Variants in IL33 observed in about 807,000 individuals in gnomAD.
IL33 encodes the protein interleukin 33, also known as interleukin-33.
Under a neutral mutation model 27.3 loss-of-function variants are expected in IL33, and 37 were observed. That is an observed-to-expected ratio of 1.36 (90% CI 1.04 to 1.78). IL33 has a LOEUF of 1.78. Among genes scored for constraint, IL33 ranks in the 40% most tolerant of loss-of-function variants. The pLI, the probability that IL33 is intolerant of heterozygous loss-of-function variation, is 0.00. For synonymous variants in IL33, 132 were observed against 102.9 expected (o/e 1.28, Z -1.71); for missense variants, 406 against 311.4 (o/e 1.30, Z -2.29).
intron 2 of IL33, among the ~76,000 whole-genome samples, chr9:6,242,942 G>T (rs542164869): frequency 1.3e-5 from 2 of 152,190 alleles, no homozygotes; most frequent in African/African-American, 2.4e-5. Context: ...GGTCACATAG[G>T]GGGAGAACAG....
rs1288168633 is a variant in IL33, at chr9:6,215,825, A to G, written c.-39A>G. 6.6e-6 allele frequency: 1 copy of G among 152,216 alleles called. No individual in the cohort carries two copies. The highest frequency in any genetic ancestry group is 1.5e-5 in the Non-Finnish European group (1 of 68,038). The allele number at this position is 152,216 out of a possible 1,614,324, so 9.4% of individuals were successfully genotyped here. A position where few individuals can be genotyped will look rare whatever the true frequency, so the allele number is the denominator to read the frequency against. ...TCCGAACACAGAGCTGCAGCTCTTCAGGGAAGAAATCAAAACAAGATCACA... is the reference window on the plus strand; with the variant it reads ...TCCGAACACAGAGCTGCAGCTCTTCGGGGAAGAAATCAAAACAAGATCACA... On this transcript the variant is annotated 5_prime_UTR_variant, in exon 1 of 8. Coordinates refer to ENST00000682010, the MANE Select transcript of IL33 (RefSeq NM_033439.4).
chr9:6,252,076 AACAAAACAAAACAAAAAAACC>A (rs1816418745), intron 4 of IL33, among the ~76,000 whole-genome samples: 9 of 133,796 alleles, frequency 6.7e-5, no homozygotes, highest in East Asian at 4.4e-4. Flanking sequence ...CCCAACAAAA[AACAAAACAAAACAAAAAAACC>A]AACTTTACCT....
chr9:6,253,998 G>A (rs771006387), intron 6 of IL33, among the ~76,000 whole-genome samples: 2 of 152,164 alleles, frequency 1.3e-5, no homozygotes, highest in Admixed American at 6.6e-5. Context: ...CAGAAAAACA[G>A]ATGTATGCAT....
chr9:6,230,597 C>A (rs1818880518), intron 1 of IL33, among the ~76,000 whole-genome samples: 1 of 152,202 alleles, frequency 6.6e-6, no homozygotes, highest in South Asian at 2.1e-4. Flanking sequence ...TTTGCAAAAT[C>A]TCCCAGAATG....
At chr9:6,238,153 C>A (rs766270048) in intron 1 of IL33, among the ~76,000 whole-genome samples, 13 of 152,130 alleles carry the variant, frequency 8.5e-5, no homozygotes, top group Non-Finnish European at 1.9e-4. Context: ...TAGGGAAGTA[C>A]TGGCATCAAG....
chr9:6,220,183 T>C (rs2130085014), intron 1 of IL33, among the ~76,000 whole-genome samples: 1 of 152,332 alleles, frequency 6.6e-6, no homozygotes, highest in South Asian at 2.1e-4. Context: ...ACTAAGAAGT[T>C]CACCCACAAA....
chr9:6,252,065 ACCCAAC>A (rs60292254), intron 4 of IL33, among the ~76,000 whole-genome samples: 17,369 of 121,324 alleles, frequency 0.14, 3,235 homozygotes, highest in African/African-American at 0.21. Flanking sequence ...ACAAAAAAAA[ACCCAAC>A]AAAAAACAAA....
Position 6,250,536 on chromosome 9 carries a change from A to C in IL33, c.154A>C (p.Met52Leu). 6.2e-7 allele frequency: 1 copy of C among 1,614,030 alleles called. No individual in the cohort carries two copies. Among genetic ancestry groups the C allele is most frequent in the Non-Finnish European group, 8.5e-7 (1 of 1,179,924 alleles). ...CTTTATGAAGCTCCGCTCTGGCCTTATGATAAAAAAGGAGGCCTGTTACTT... is the reference window on the plus strand; with the variant it reads ...CTTTATGAAGCTCCGCTCTGGCCTTCTGATAAAAAAGGAGGCCTGTTACTT... ...MYFMKLRSGL[M>L]IKKEACYFRR... The change falls in exon 3 of 8, where the codon ATG (methionine) becomes CTG (leucine). Residue 52 changes from methionine to leucine, a missense_variant. Coordinates refer to ENST00000682010, the MANE Select transcript of IL33 (RefSeq NM_033439.4).
chr9:6,225,063 G>A (rs1818569974), intron 1 of IL33, among the ~76,000 whole-genome samples: 1 of 152,124 alleles, frequency 6.6e-6, no homozygotes, highest in South Asian at 2.1e-4. Context: ...TGCTGTGCCA[G>A]AACTGATTTC....
At chr9:6,239,231 G>A (rs529112395) in intron 1 of IL33, among the ~76,000 whole-genome samples, 1 of 152,304 alleles carries the variant, frequency 6.6e-6, no homozygotes, top group Non-Finnish European at 1.5e-5. Flanking sequence ...TGGCCTCAGT[G>A]AACACATTCC....
At chr9:6,215,727 C>A (rs1431798023), upstream of IL33, 2 of 152,138 alleles carry the variant, frequency 1.3e-5, no homozygotes, top group Non-Finnish European at 2.9e-5. Context: ...AAATCTCACC[C>A]GCCCAGATCT....
Position 6,257,170 on chromosome 9 carries a change from C to T in IL33, c.*1002C>T, listed in dbSNP as rs543422833. On this transcript the variant is annotated 3_prime_UTR_variant, in exon 8 of 8. Transcript: ENST00000682010. Reference sequence around the variant, plus strand: ...TCCATGGCCTACCATCCCTTCTGACCCTGGCTTCCAGGGACCTATGTCTTT... The same window carrying T: ...TCCATGGCCTACCATCCCTTCTGACTCTGGCTTCCAGGGACCTATGTCTTT... The T allele has an allele frequency of 6.6e-6, 1 of 152,204 alleles. No homozygotes were observed. Among genetic ancestry groups the T allele is most frequent in the Admixed American group, 6.5e-5 (1 of 15,268 alleles). The allele number at this position is 152,204 out of a possible 1,614,324, so 9.4% of individuals were successfully genotyped here. A position where few individuals can be genotyped will look rare whatever the true frequency, so the allele number is the denominator to read the frequency against.
chr9:6,257,536 C>A lies in IL33; in HGVS notation c.*1368C>A, dbSNP rs1305250517. The A allele has an allele frequency of 6.6e-6, 1 of 152,528 alleles. No homozygotes were observed. Among genetic ancestry groups the A allele is most frequent in the Non-Finnish European group, 1.5e-5 (1 of 68,000 alleles). 9.4% of individuals were successfully genotyped at this position (152,528 alleles called of 1,614,324 possible). A position where few individuals can be genotyped will look rare whatever the true frequency, so the allele number is the denominator to read the frequency against. On this transcript the variant is annotated 3_prime_UTR_variant, in exon 8 of 8. Coordinates refer to ENST00000682010, the MANE Select transcript of IL33 (RefSeq NM_033439.4). ...AAATTTATACTCAACCATATAATAA[C>A]ATTTTTTAACTACTAAAGGAGTAGT...
chr9:6,230,670 C>G (rs10815383), intron 1 of IL33, among the ~76,000 whole-genome samples: 45,086 of 152,004 alleles, frequency 0.3, 7,274 homozygotes, highest in East Asian at 0.48. Context: ...CAGCCAGGAC[C>G]TGTCTTCTTC....
At chr9:6,239,420 C>T (rs745468050) in intron 1 of IL33, among the ~76,000 whole-genome samples, 4 of 152,052 alleles carry the variant, frequency 2.6e-5, no homozygotes, top group South Asian at 4.1e-4. Flanking sequence ...ACTTAGGCTA[C>T]GAGCCCACAT....
intron 1 of IL33, among the ~76,000 whole-genome samples, chr9:6,224,151 T>G (rs1018153444): frequency 6.6e-6 from 1 of 152,184 alleles, no homozygotes; most frequent in African/African-American, 2.4e-5. Context: ...CCTCTTGTTA[T>G]TCCTTGCTAT....
intron 1 of IL33, among the ~76,000 whole-genome samples, chr9:6,228,453 A>G (rs1423145064): frequency 6.6e-6 from 1 of 152,230 alleles, no homozygotes; most frequent in African/African-American, 2.4e-5. Flanking sequence ...AAGTAAAAGA[A>G]GAAAATGATC....
At chr9:6,244,046 C>T (rs1819687532) in intron 2 of IL33, among the ~76,000 whole-genome samples, 1 of 152,134 alleles carries the variant, frequency 6.6e-6, no homozygotes, top group South Asian at 2.1e-4. Flanking sequence ...TAAATTGCCT[C>T]TCATAAAAAG....
chr9:6,224,664 C>T (rs551794937), intron 1 of IL33, among the ~76,000 whole-genome samples: 2 of 152,174 alleles, frequency 1.3e-5, no homozygotes, highest in African/African-American at 4.8e-5. Context: ...TGCTCTCCTA[C>T]TTTTTGGCAT....
Sources: gnomAD v4.1 joint callset for allele counts (sites outside exome capture counted in the v4.1 genomes callset) on GRCh38, gnomAD v4.1.1 for gene constraint, MANE v1.5 for transcripts, NCBI Gene and HGNC (gene_info 2026-07-23, HGNC 2026-07-21) for gene names.